Variants in ATP1A2 observed in about 807,000 individuals in gnomAD.
The protein encoded by ATP1A2 is sodium/potassium-transporting ATPase subunit alpha-2.
A neutral mutation model predicts 113.1 loss-of-function variants in ATP1A2; 56 were observed. The observed-to-expected ratio is 0.49, with a 90% CI of 0.40 to 0.62. The LOEUF is 0.62. ATP1A2 is among the 20% of genes least tolerant of loss of function. The pLI is 0.00. For synonymous variants in ATP1A2, 490 were observed against 526.8 expected, an observed-to-expected ratio of 0.93 and a Z score of 0.96; for missense variants, 712 against 1,357.8, an observed-to-expected ratio of 0.52 and a Z score of 7.47.
chr1:160,116,541 AC>A (rs11331051), intron 1 of ATP1A2, among the ~76,000 whole-genome samples: 126,059 of 149,320 alleles, frequency 0.84, 53,244 homozygotes, highest in East Asian at 0.93. Context: ...GTGACAGGTG[AC>A]CCCCCCCCCA....
chr1:160,118,372 GCT>G (rs1160374693), intron 1 of ATP1A2, among the ~76,000 whole-genome samples: 1 of 151,972 alleles, frequency 6.6e-6, no homozygotes, highest in Non-Finnish European at 1.5e-5. Flanking sequence ...TCACACTGAA[GCT>G]CAGCCAGCCT....
rs1652217272 is a variant in ATP1A2 at position 160,143,488 on chromosome 1, A to C, written c.*2166A>C. ...TCAATCTTTATGTATTTGTTAAAGAAACATCTACAGGATCTTTATTGGTGA... is the reference window on the plus strand; with the variant it reads ...TCAATCTTTATGTATTTGTTAAAGACACATCTACAGGATCTTTATTGGTGA... On this transcript the variant is annotated 3_prime_UTR_variant, in exon 23 of 23. Coordinates refer to ENST00000361216, the MANE Select transcript of ATP1A2 (RefSeq NM_000702.4). The C allele has an allele frequency of 6.5e-6, 1 of 152,672 alleles. No homozygotes were observed. The highest frequency in any genetic ancestry group is 2.4e-5 in the African/African-American group (1 of 41,462). 9.5% of individuals were successfully genotyped at this position (152,672 alleles called of 1,614,324 possible). A position where few individuals can be genotyped will look rare whatever the true frequency, so the allele number is the denominator to read the frequency against.
Position 160,125,070 on chromosome 1 carries a change from A to T in ATP1A2, c.631-66A>T, listed in dbSNP as rs1651542554. On this transcript the variant is annotated intron_variant, in intron 6 of 22. Transcript: ENST00000361216. ...GATTGAGTGTGGTTGGAGGTGGTTCAGGAGACAGCTGTGTGCATACAAGTG... is the reference window on the plus strand; with the variant it reads ...GATTGAGTGTGGTTGGAGGTGGTTCTGGAGACAGCTGTGTGCATACAAGTG... The T allele has an allele frequency of 3.3e-5, 44 of 1,325,216 alleles. No homozygotes were observed. In the Middle Eastern group the frequency reaches 5.5e-4, roughly 17 times the overall value. The allele number at this position is 1,325,216 out of a possible 1,614,324, so 82.1% of individuals were successfully genotyped here.
chr1:160,130,615 T>C lies in ATP1A2; in HGVS notation c.1827+18T>C, dbSNP rs1352561606. The C allele has an allele frequency of 6.2e-7, 1 of 1,613,824 alleles. No individual in the cohort carries two copies. Among genetic ancestry groups the C allele is most frequent in the South Asian group, 1.1e-5 (1 of 91,058 alleles). ...GCATCAAGGTACTGGCCTCCCATCC[T>C]CCCCTCCATTCTAGCCTCCCCCATG... On this transcript the variant is annotated intron_variant, in intron 13 of 22. Coordinates refer to ENST00000361216, the MANE Select transcript of ATP1A2 (RefSeq NM_000702.4).
intron 1 of ATP1A2, 110 bp downstream of exon 1, chr1:160,115,983 G>T: frequency 6.7e-7 from 1 of 1,497,938 alleles, no homozygotes; most frequent in African/African-American, 1.4e-5. Context: ...GAGCTGAGTG[G>T]GATACTTGGA....
chr1:160,126,254 T>C (rs1332579912), intron 7 of ATP1A2, among the ~76,000 whole-genome samples: 1 of 152,214 alleles, frequency 6.6e-6, no homozygotes, highest in Non-Finnish European at 1.5e-5. Flanking sequence ...CCATATACTT[T>C]GAATCAACTC....
chr1:160,141,563 T>C lies in ATP1A2; in HGVS notation c.*241T>C, dbSNP rs1338698326. 1 of 584,726 alleles carries C rather than the reference T, an allele frequency of 1.7e-6. No homozygotes were observed. The highest frequency in any genetic ancestry group is 3.0e-5 in the East Asian group (1 of 33,746). The allele number at this position is 584,726 out of a possible 1,614,324, so 36.2% of individuals were successfully genotyped here. On this transcript the variant is annotated 3_prime_UTR_variant, in exon 23 of 23. Coordinates refer to ENST00000361216, the MANE Select transcript of ATP1A2 (RefSeq NM_000702.4). ...TAGAGTCCCCCCGACCAGATCCTTTTCCATCCCACTCCACTATGTTGTCTA... is the reference window on the plus strand; with the variant it reads ...TAGAGTCCCCCCGACCAGATCCTTTCCCATCCCACTCCACTATGTTGTCTA...
At chr1:160,137,065 A>C (rs747597837) in intron 20 of ATP1A2, 34 bp downstream of exon 20, 1 of 1,613,582 alleles carries the variant, frequency 6.2e-7, no homozygotes, top group Non-Finnish European at 8.5e-7. Context: ...CTACCCACCC[A>C]GGCTCTGGGC....
rs1390394950 is a variant in ATP1A2, at chr1:160,138,893, G to C, written c.2841-747G>C. 3.3e-5 allele frequency among the ~76,000 whole-genome samples: 5 copies of C among 152,182 alleles called. No homozygotes were observed. In the East Asian group the frequency reaches 9.6e-4, roughly 29 times the overall value. ...TCCAGGTCTGTCACTGAACATTTCAGTGACAGAACATTGCAGAGCTTTTCA... is the reference window on the plus strand; with the variant it reads ...TCCAGGTCTGTCACTGAACATTTCACTGACAGAACATTGCAGAGCTTTTCA... On this transcript the variant is annotated intron_variant, in intron 20 of 22. Transcript: ENST00000361216.
intron 8 of ATP1A2, among the ~76,000 whole-genome samples, chr1:160,128,208 C>T (rs1037980534): frequency 6.6e-6 from 1 of 152,188 alleles, no homozygotes; most frequent in Non-Finnish European, 1.5e-5. Context: ...TGTCCACCCT[C>T]CTACCATTCT....
In ATP1A2 at chr1:160,135,615, CATGGG is replaced by C; in HGVS notation, c.2284+14_2284+18del. ...GGGGTGGAGGAGGGTGAGGAGGCTG[CATGGG>C]TTGGGATGGTTTGCAGGATACTGAA... On this transcript the variant is annotated intron_variant, in intron 16 of 22. Transcript: ENST00000361216. This position sits in a 1 kb window ranked among gnomAD's most constrained non-coding sequence, Gnocchi z 6.3. The C allele has an allele frequency of 6.2e-7, 1 of 1,613,380 alleles. No individual in the cohort carries two copies. The highest frequency in any genetic ancestry group is 1.3e-5 in the African/African-American group (1 of 74,996).
At chr1:160,127,948 C>T in intron 8 of ATP1A2, 128 bp downstream of exon 8, 1 of 1,300,434 alleles carries the variant, frequency 7.7e-7, no homozygotes, top group Non-Finnish European at 1.0e-6. Flanking sequence ...GGATGCGATA[C>T]TCAGAGATCA....
chr1:160,136,864 C>G, intron 19 of ATP1A2, 37 bp from the exon 20 acceptor site: 2 of 1,614,198 alleles, frequency 1.2e-6, no homozygotes, highest in Non-Finnish European at 8.5e-7. Context: ...CCCTTTCCTC[C>G]GACACTCTCA....
At chr1:160,128,106 G>A (rs1345160577) in intron 8 of ATP1A2, among the ~76,000 whole-genome samples, 1 of 152,106 alleles carries the variant, frequency 6.6e-6, no homozygotes, top group Non-Finnish European at 1.5e-5. Context: ...CTCCTGTAGA[G>A]GCTGTCTCAA....
chr1:160,141,458 A>C lies in ATP1A2; in HGVS notation c.*136A>C. 1 of 1,133,218 alleles carries C rather than the reference A, an allele frequency of 8.8e-7. No homozygotes were observed. The highest frequency in any genetic ancestry group is 1.3e-6 in the Non-Finnish European group (1 of 755,406). 70.2% of individuals were successfully genotyped at this position (1,133,218 alleles called of 1,614,324 possible). On this transcript the variant is annotated 3_prime_UTR_variant, in exon 23 of 23. Coordinates refer to ENST00000361216, the MANE Select transcript of ATP1A2 (RefSeq NM_000702.4). ...GGGAGAGATAATGAGGCAACTCAGC[A>C]GGCTAAGTTGCGGGGTATATAAATT...
intron 22 of ATP1A2, 80 bp downstream of exon 22, chr1:160,140,064 C>T (rs1213499869): frequency 1.5e-6 from 2 of 1,370,762 alleles, no homozygotes. Flanking sequence ...GCAGACTCCA[C>T]TCCCACTACT....
At chr1:160,132,268 C>T (rs1214863354) in intron 13 of ATP1A2, among the ~76,000 whole-genome samples, 1 of 151,766 alleles carries the variant, frequency 6.6e-6, no homozygotes. Context: ...GAGACTGGAA[C>T]ACTGGGTCAG....
chr1:160,138,261 C>A (rs1314845320), intron 20 of ATP1A2, among the ~76,000 whole-genome samples: 24 of 152,210 alleles, frequency 1.6e-4, no homozygotes, highest in Admixed American at 1.6e-3. Flanking sequence ...AAAGCACTCA[C>A]CTATGCGAAG....
At chr1:160,120,259 A>G (rs1474214027) in intron 1 of ATP1A2, among the ~76,000 whole-genome samples, 1 of 151,944 alleles carries the variant, frequency 6.6e-6, no homozygotes, top group African/African-American at 2.4e-5. Context: ...AGCACACCCC[A>G]TGTCTCCACT....
Sources: gnomAD v4.1 joint callset for allele counts (sites outside exome capture counted in the v4.1 genomes callset) on GRCh38, gnomAD v4.1.1 for gene constraint, Gnocchi (gnomAD v3.1) non-coding constraint, MANE v1.5 for transcripts, NCBI Gene and HGNC (gene_info 2026-07-23, HGNC 2026-07-21) for gene names.